Variants in HHIPL1 observed in about 807,000 individuals in gnomAD.
The protein encoded by HHIPL1 is HHIP like 1.
A neutral mutation model predicts 61.8 loss-of-function variants in HHIPL1; 43 were observed. That is an observed-to-expected ratio of 0.70 (90% CI 0.55 to 0.90). The LOEUF is 0.90. HHIPL1 is among the 40% of genes least tolerant of loss of function. HHIPL1 has a pLI of 0.00. For missense variants in HHIPL1, 1,056 were observed against 1,157.7 expected (o/e 0.91, Z 1.28); for synonymous variants, 482 against 515.8 (o/e 0.93, Z 0.89).
At position 99,660,846 on chromosome 14, in the gene HHIPL1, C is replaced by G. The variant is rs912944126; in HGVS notation, c.1502+440C>G. ...ATGGGGGCCTGGAGCCCTGCCCCAC[C>G]CCACCCCAGCCAGGACTGCAGGGAG... On this transcript the variant is annotated intron_variant, in intron 5 of 8. Transcript: ENST00000330710. The surrounding 1 kb of genome is among the most constrained non-coding windows in gnomAD (Gnocchi z 4.9). 6.6e-6 allele frequency among the ~76,000 whole-genome samples: 1 copy of G among 152,184 alleles called. No homozygotes were observed. The highest frequency in any genetic ancestry group is 2.4e-5 in the African/African-American group (1 of 41,444).
the HHIPL1 span, among the ~76,000 whole-genome samples, chr14:99,617,073 C>T: frequency 1.3e-5 from 2 of 152,066 alleles, no homozygotes; most frequent in African/African-American, 2.4e-5. Context: ...TAGGGCACAA[C>T]GGAGTAGATT....
intron 7 of HHIPL1, among the ~76,000 whole-genome samples, chr14:99,672,105 C>T (rs765346638): frequency 5.9e-5 from 9 of 152,208 alleles, no homozygotes; most frequent in Non-Finnish European, 1.0e-4. Flanking sequence ...AGCGTGCAGC[C>T]GGTAGGCTGT....
In HHIPL1 at chr14:99,657,150, T is replaced by C. The variant is rs36033161; in HGVS notation, c.1046+7T>C. The C allele has an allele frequency of 0.18, 293,500 of 1,610,554 alleles. 29,304 individuals are homozygous for C. The highest frequency in any genetic ancestry group is 0.34 in the Admixed American group (20,491 of 59,540). On this transcript the variant is annotated splice_region_variant and intron_variant, in intron 3 of 8. Transcript: ENST00000330710. ...TTGGAAATGCCCAAAACAAGTATGT[T>C]CAGCTTTTGATTGGCTTGTGGGTTG... is the stretch of plus-strand genomic sequence containing the variant.
chr14:99,645,022 C>CGTCCCTCTTCCTTCA (rs759992828), upstream of HHIPL1: 34 of 446,722 alleles, frequency 7.6e-5, no homozygotes, highest in Middle Eastern at 1.2e-3. Context: ...TTCTGCGCCG[C>CGTCCCTCTTCCTTCA]GTCCCTCTTC....
the HHIPL1 span, among the ~76,000 whole-genome samples, chr14:99,636,776 C>G: frequency 6.6e-6 from 1 of 150,768 alleles, no homozygotes; most frequent in South Asian, 2.1e-4. Flanking sequence ...TTGCTTGAGC[C>G]CAGGAGTTTG....
the HHIPL1 span, among the ~76,000 whole-genome samples, chr14:99,630,351 T>A: frequency 6.6e-6 from 1 of 152,224 alleles, no homozygotes; most frequent in East Asian, 1.9e-4. Flanking sequence ...TTTCATCATC[T>A]GACTCCGCCT....
At chr14:99,607,552 C>T in the HHIPL1 span, among the ~76,000 whole-genome samples, 6 of 152,264 alleles carry the variant, frequency 3.9e-5, no homozygotes, top group South Asian at 2.1e-4. Flanking sequence ...CGCTAACACA[C>T]GGTAGATGCT....
chr14:99,662,823 G>A, intron 5 of HHIPL1, 53 bp from the exon 6 acceptor site: 1 of 1,511,306 alleles, frequency 6.6e-7, no homozygotes, highest in Non-Finnish European at 8.9e-7. Flanking sequence ...TGGTGGGTAG[G>A]TTCCCCTGGG....
At chr14:99,643,631 G>A (rs996473022), upstream of HHIPL1, among the ~76,000 whole-genome samples, 9 of 152,176 alleles carry the variant, frequency 5.9e-5, no homozygotes, top group South Asian at 2.1e-4. Context: ...AGGCGCCATC[G>A]TGCCCTCCGA....
the HHIPL1 span, among the ~76,000 whole-genome samples, chr14:99,627,276 C>G: frequency 6.6e-6 from 1 of 152,042 alleles, no homozygotes; most frequent in Non-Finnish European, 1.5e-5. This position sits in a 1 kb window ranked among gnomAD's most constrained non-coding sequence, Gnocchi z 4.4. Context: ...ATCCACCTAT[C>G]TGTTCATCTA....
the HHIPL1 span, among the ~76,000 whole-genome samples, chr14:99,616,302 C>A: frequency 7.4e-4 from 113 of 152,320 alleles, no homozygotes; most frequent in African/African-American, 2.6e-3. Context: ...TGCTCCATGA[C>A]AATGATGACA....
chr14:99,614,710 C>G, the HHIPL1 span, among the ~76,000 whole-genome samples: 1 of 152,184 alleles, frequency 6.6e-6, no homozygotes, highest in African/African-American at 2.4e-5. Context: ...AGAGATCTTT[C>G]TCTAACGTTA....
In HHIPL1 at chr14:99,660,285, T is replaced by C. The variant is rs75448994; in HGVS notation, c.1381T>C (p.Leu461=). The change falls in exon 5 of 9, where the codon TTG becomes CTG. Residue 461 remains leucine (L), a synonymous_variant. Transcript: ENST00000330710. This position sits in a 1 kb window ranked among gnomAD's most constrained non-coding sequence, Gnocchi z 4.9. ...CTCTCCCTCCCACCCCGCAGATGACTTGCTGCCGATTTTCGCCTACCCGCA... is the reference window on the plus strand; with the variant it reads ...CTCTCCCTCCCACCCCGCAGATGACCTGCTGCCGATTTTCGCCTACCCGCA... ...SLCANTSLND[L]LPIFAYPHTV... 334 of 1,613,770 alleles carry C rather than the reference T, an allele frequency of 2.1e-4. 1 individual carries two copies. In the East Asian group the frequency reaches 6.3e-3, roughly 31 times the overall value.
At chr14:99,604,640 T>C in the HHIPL1 span, 1 of 151,714 alleles carries the variant, frequency 6.6e-6, no homozygotes, top group Admixed American at 6.5e-5. Flanking sequence ...AGGGGGACGG[T>C]GGGAAAGGTA....
upstream of HHIPL1, among the ~76,000 whole-genome samples, chr14:99,640,877 C>CTTTTTTTTTTTTTTTTTT (rs59137552): frequency 1.4e-4 from 10 of 69,872 alleles, no homozygotes; most frequent in Non-Finnish European, 2.4e-4. Context: ...ACTTCTTCTT[C>CTTTTTTTTTTTTTTTTTT]TTTTTTTTTT....
At chr14:99,628,805 C>T in the HHIPL1 span, among the ~76,000 whole-genome samples, 1 of 152,122 alleles carries the variant, frequency 6.6e-6, no homozygotes, top group Non-Finnish European at 1.5e-5. Flanking sequence ...CTTCCCCTCT[C>T]GGGCCTCAGT....
In HHIPL1 at chr14:99,675,974, T is replaced by G; in HGVS notation, c.*348T>G. On this transcript the variant is annotated 3_prime_UTR_variant, in exon 9 of 9. Coordinates refer to ENST00000330710, the MANE Select transcript of HHIPL1 (RefSeq NM_001127258.3). The surrounding 1 kb of genome is among the most constrained non-coding windows in gnomAD (Gnocchi z 5.4). ...AGGCTTCGAGGACGGACATGGCCCCTGGCTGTGCTAACAGAGGCACAGCTT... is the reference window on the plus strand; with the variant it reads ...AGGCTTCGAGGACGGACATGGCCCCGGGCTGTGCTAACAGAGGCACAGCTT... 1 of 270,852 alleles carries G rather than the reference T, an allele frequency of 3.7e-6. No homozygotes were observed. Among genetic ancestry groups the G allele is most frequent in the East Asian group, 6.7e-5 (1 of 15,006 alleles). The allele number at this position is 270,852 out of a possible 1,614,324, so 16.8% of individuals were successfully genotyped here. A position where few individuals can be genotyped will look rare whatever the true frequency, so the allele number is the denominator to read the frequency against.
At chr14:99,656,839 G>A (rs1314044592) in intron 2 of HHIPL1, among the ~76,000 whole-genome samples, 161 bp from the exon 3 acceptor site, 294 of 2,970 alleles carry the variant, frequency 0.099, 58 homozygotes, top group Middle Eastern at 1. Context: ...AAGAAAGAAA[G>A]GAAGGAAGGA....
intron 3 of HHIPL1, among the ~76,000 whole-genome samples, chr14:99,658,965 T>C (rs1348007068): frequency 6.6e-6 from 1 of 152,164 alleles, no homozygotes; most frequent in Non-Finnish European, 1.5e-5. Context: ...GGGACCACTC[T>C]ACTATTACAG....
Sources: allele counts gnomAD v4.1 joint callset (sites outside exome capture counted in the v4.1 genomes callset), GRCh38; gene constraint gnomAD v4.1.1; non-coding constraint Gnocchi (gnomAD v3.1); transcripts MANE v1.5; gene names NCBI Gene and HGNC (gene_info 2026-07-23, HGNC 2026-07-21).